ERC1: variants seen among roughly 807,000 people sequenced by gnomAD.
The protein encoded by ERC1 is ELKS/RAB6-interacting/CAST family member 1.
ERC1 carries 56 observed loss-of-function variants against 132.0 expected under a neutral mutation model. That is an observed-to-expected ratio of 0.42 (90% CI 0.34 to 0.53). The LOEUF (loss-of-function observed/expected upper bound fraction) is 0.53. Among genes scored for constraint, ERC1 ranks in the 20% least tolerant of loss-of-function variants. The probability of loss-of-function intolerance (pLI) is 0.03; values close to 1 mark genes in which losing one functional copy is unlikely to be tolerated. For missense variants in ERC1, 1,202 were observed against 1,349.9 expected (o/e 0.89, Z 1.72); for synonymous variants, 478 against 476.1 (o/e 1.00, Z -0.05).
At chr12:1,116,896 C>T (rs1946515470) in intron 7 of ERC1, among the ~76,000 whole-genome samples, 1 of 152,124 alleles carries the variant, frequency 6.6e-6, no homozygotes, top group South Asian at 2.1e-4. Flanking sequence ...TTTTCAAAAT[C>T]TTGGAAGATG....
At chr12:1,303,427 G>A (rs1245146865) in intron 15 of ERC1, among the ~76,000 whole-genome samples, 5 of 151,964 alleles carry the variant, frequency 3.3e-5, no homozygotes, top group Admixed American at 6.6e-5. Context: ...ACAAGGTCAG[G>A]AGATCGAGAC....
intron 15 of ERC1, among the ~76,000 whole-genome samples, chr12:1,293,005 T>C (rs914940578): frequency 2.0e-5 from 3 of 150,072 alleles, no homozygotes; most frequent in African/African-American, 7.4e-5. Flanking sequence ...ATTAGCTGGG[T>C]GTGGTGGCGC....
intron 12 of ERC1, among the ~76,000 whole-genome samples, chr12:1,231,733 A>G (rs1308414118): frequency 2.0e-5 from 3 of 151,266 alleles, no homozygotes; most frequent in African/African-American, 7.3e-5. Context: ...TTTGTTTCTC[A>G]GAGAAGTAAA....
At chr12:1,478,791 T>TAAAAA (rs149249485) in intron 18 of ERC1, among the ~76,000 whole-genome samples, 2 of 147,998 alleles carry the variant, frequency 1.4e-5, no homozygotes, top group African/African-American at 2.5e-5. Context: ...TCTGTCTCAA[T>TAAAAA]AAAAAAAAGA....
chr12:1,228,948 C>T (rs2074816586), intron 12 of ERC1, among the ~76,000 whole-genome samples: 1 of 152,152 alleles, frequency 6.6e-6, no homozygotes, highest in Non-Finnish European at 1.5e-5. Flanking sequence ...CTAGTTTCAT[C>T]AGTACTATTG....
intron 12 of ERC1, among the ~76,000 whole-genome samples, chr12:1,213,861 G>A (rs1054937399): frequency 5.3e-5 from 8 of 151,610 alleles, no homozygotes; most frequent in Non-Finnish European, 1.2e-4. Context: ...CCGAGATCAC[G>A]CCACTGCACT....
At chr12:993,403 A>G (rs565101462) in intron 1 of ERC1, among the ~76,000 whole-genome samples, 14 of 152,346 alleles carry the variant, frequency 9.2e-5, no homozygotes, top group African/African-American at 3.4e-4. Context: ...ATTTGGGGAA[A>G]GTCTTAAGGT....
At chr12:1,022,416 C>T (rs910681083) in intron 1 of ERC1, among the ~76,000 whole-genome samples, 2 of 152,110 alleles carry the variant, frequency 1.3e-5, no homozygotes, top group African/African-American at 2.4e-5. Flanking sequence ...GATTTTATTT[C>T]ATTTAAAACA....
intron 13 of ERC1, among the ~76,000 whole-genome samples, chr12:1,259,044 A>G (rs1594606710): frequency 1.3e-5 from 2 of 152,312 alleles, no homozygotes; most frequent in Admixed American, 1.3e-4. Context: ...ATTTCTTCAT[A>G]GTGCAAGATA....
intron 15 of ERC1, among the ~76,000 whole-genome samples, chr12:1,290,620 T>C (rs2079379340): frequency 6.6e-6 from 1 of 152,218 alleles, no homozygotes. Context: ...CTTTTACTTC[T>C]CAGTGACCTT....
intron 2 of ERC1, among the ~76,000 whole-genome samples, chr12:1,069,429 C>G (rs1416344246): frequency 6.6e-6 from 1 of 152,048 alleles, no homozygotes; most frequent in Non-Finnish European, 1.5e-5. Flanking sequence ...CCCATGTGCT[C>G]AAGGATCTAT....
At chr12:1,043,461 G>A (rs1970602954) in intron 2 of ERC1, among the ~76,000 whole-genome samples, 2 of 152,214 alleles carry the variant, frequency 1.3e-5, no homozygotes, top group South Asian at 4.1e-4. Flanking sequence ...TAAAGGGATA[G>A]TGTATTGGGT....
At chr12:1,482,672 C>G (rs927246078) in intron 18 of ERC1, among the ~76,000 whole-genome samples, 11 of 152,074 alleles carry the variant, frequency 7.2e-5, no homozygotes, top group Non-Finnish European at 1.3e-4. Flanking sequence ...GTCTCGAACT[C>G]CTGATCTCAA....
chr12:1,283,443 G>C (rs1181357623), intron 14 of ERC1, among the ~76,000 whole-genome samples: 1 of 152,160 alleles, frequency 6.6e-6, no homozygotes, highest in African/African-American at 2.4e-5. Flanking sequence ...CTCAGTGGTA[G>C]GCATGAAATG....
At chr12:1,242,656 A>G (rs903233682) in intron 13 of ERC1, among the ~76,000 whole-genome samples, 1 of 152,210 alleles carries the variant, frequency 6.6e-6, no homozygotes, top group Non-Finnish European at 1.5e-5. Flanking sequence ...GAGATGATAC[A>G]TGTAAAAGCT....
At chr12:1,025,794 G>GTTTTTTTTT (rs1172351394) in intron 1 of ERC1, among the ~76,000 whole-genome samples, 5 of 127,608 alleles carry the variant, frequency 3.9e-5, no homozygotes, top group African/African-American at 9.0e-5. Flanking sequence ...AAAAAGGAAA[G>GTTTTTTTTT]TTTTTTTTTT....
intron 14 of ERC1, among the ~76,000 whole-genome samples, chr12:1,272,474 C>G (rs2077931325): frequency 6.6e-6 from 1 of 152,194 alleles, no homozygotes; most frequent in East Asian, 1.9e-4. Context: ...CCAATCTGGT[C>G]TCATATTCTA....
At position 1,284,265 on chromosome 12, in the gene ERC1, CGTGTGTGTGTGTGTGTGTGTGT is replaced by C. The variant is rs71055142; in HGVS notation, c.2620-5564_2620-5543del. On this transcript the variant is annotated intron_variant, in intron 14 of 18. Transcript: ENST00000360905. ...ATTCTTTTTATGGCTGAATAGTATT[CGTGTGTGTGTGTGTGTGTGTGT>C]GTGTGTGTGTGTGTGTGTGTGTATA... is the stretch of plus-strand genomic sequence containing the variant. Among the ~76,000 whole-genome samples, 6 of 140,188 alleles carry C rather than the reference CGTGTGTGTGTGTGTGTGTGTGT, an allele frequency of 4.3e-5. No individual in the cohort carries two copies. In the East Asian group the frequency reaches 6.4e-4, roughly 15 times the overall value. 92.0% of individuals were successfully genotyped at this position (140,188 alleles called of 152,430 possible). A position where few individuals can be genotyped will look rare whatever the true frequency, so the allele number is the denominator to read the frequency against.
rs567276177 is a variant in ERC1 at position 1,440,378 on chromosome 12, T to C, written c.3025-4184T>C. 3.3e-5 allele frequency among the ~76,000 whole-genome samples: 5 copies of C among 150,734 alleles called. No individual in the cohort carries two copies. In the South Asian group the frequency reaches 1.0e-3, roughly 32 times the overall value. Reference sequence around the variant, plus strand: ...CGCCACCACGCCCGGCTAATTTTTTTTGTATTTTTAGTAGAGACGGGGTTT... The same window carrying C: ...CGCCACCACGCCCGGCTAATTTTTTCTGTATTTTTAGTAGAGACGGGGTTT... On this transcript the variant is annotated intron_variant, in intron 17 of 18. Coordinates refer to ENST00000360905, the MANE Select transcript of ERC1 (RefSeq NM_178040.4).
Sources: gnomAD v4.1 joint callset for allele counts (sites outside exome capture counted in the v4.1 genomes callset) on GRCh38, gnomAD v4.1.1 for gene constraint, MANE v1.5 for transcripts, NCBI Gene and HGNC (gene_info 2026-07-23, HGNC 2026-07-21) for gene names.